FHIT: variants seen among roughly 807,000 people sequenced by gnomAD.
FHIT encodes bis(5'-adenosyl)-triphosphatase.
In FHIT, 19 loss-of-function variants were observed where a neutral mutation model predicts 17.9. The ratio of observed to expected loss-of-function variants is 1.06; its 90% CI spans 0.74 to 1.56. FHIT has a LOEUF of 1.56. Ranked by LOEUF, FHIT falls within the 40% of genes most tolerant of loss-of-function variation. The pLI is 0.00. For synonymous variants in FHIT, 81 were observed against 69.7 expected, an observed-to-expected ratio of 1.16 and a Z score of -0.81; for missense variants, 248 against 189.2, an observed-to-expected ratio of 1.31 and a Z score of -1.82.
At chr3:60,421,710 T>C (rs1482801352) in intron 5 of FHIT, among the ~76,000 whole-genome samples, 4 of 152,148 alleles carry the variant, frequency 2.6e-5, no homozygotes, top group African/African-American at 4.8e-5. Flanking sequence ...CTTTCTCCAA[T>C]TTTTCCCTAT....
chr3:60,609,333 A>AT (rs5849380), intron 4 of FHIT, among the ~76,000 whole-genome samples: 2,130 of 149,838 alleles, frequency 0.014, 43 homozygotes, highest in African/African-American at 0.047. Flanking sequence ...TTTTTTATTT[A>AT]TTTTTTTTTT....
intron 1 of FHIT, among the ~76,000 whole-genome samples, chr3:61,213,641 C>G (rs1326176143): frequency 6.6e-6 from 1 of 152,186 alleles, no homozygotes; most frequent in Non-Finnish European, 1.5e-5. Flanking sequence ...GAACTCAGCT[C>G]TGCACCAAGC....
intron 8 of FHIT, among the ~76,000 whole-genome samples, chr3:59,759,255 G>T (rs983694831): frequency 1.3e-5 from 2 of 152,088 alleles, no homozygotes; most frequent in African/African-American, 4.8e-5. Flanking sequence ...GAGAAGTTTG[G>T]ATTTTATTTT....
At chr3:60,607,948 T>C (rs2038661047) in intron 4 of FHIT, among the ~76,000 whole-genome samples, 1 of 152,170 alleles carries the variant, frequency 6.6e-6, no homozygotes, top group Non-Finnish European at 1.5e-5. Flanking sequence ...CTCAAGCCCC[T>C]TACTTGCTGA....
At chr3:60,951,497 C>A (rs1708883947) in intron 3 of FHIT, among the ~76,000 whole-genome samples, 1 of 152,098 alleles carries the variant, frequency 6.6e-6, no homozygotes, top group Admixed American at 6.6e-5. Context: ...AGAGGAAAAA[C>A]CTAGCAGGGT....
intron 5 of FHIT, among the ~76,000 whole-genome samples, chr3:60,462,928 C>A (rs1184878523): frequency 6.6e-6 from 1 of 152,188 alleles, no homozygotes; most frequent in Admixed American, 6.5e-5. Flanking sequence ...TCCATGTATT[C>A]CTGGTCATAT....
intron 5 of FHIT, among the ~76,000 whole-genome samples, chr3:60,518,499 C>A (rs899048111): frequency 1.3e-5 from 2 of 152,142 alleles, no homozygotes; most frequent in African/African-American, 4.8e-5. Context: ...TGTGTACCCC[C>A]ATGCAGTGCT....
intron 5 of FHIT, among the ~76,000 whole-genome samples, chr3:60,423,955 A>C (rs1044022008): frequency 6.6e-6 from 1 of 152,188 alleles, no homozygotes; most frequent in African/African-American, 2.4e-5. Flanking sequence ...TGATAGTATA[A>C]CAATTTATGT....
chr3:59,848,025 T>C (rs1255970070), intron 8 of FHIT, among the ~76,000 whole-genome samples: 2 of 152,202 alleles, frequency 1.3e-5, no homozygotes, highest in Admixed American at 1.3e-4. Context: ...CAATAATGGC[T>C]ACCACCTCTT....
chr3:61,088,260 G>A (rs567446111), intron 2 of FHIT, among the ~76,000 whole-genome samples: 2 of 152,258 alleles, frequency 1.3e-5, no homozygotes, highest in Admixed American at 1.3e-4. Flanking sequence ...TACTATAATA[G>A]AAGGGACTCT....
chr3:60,155,082 G>A (rs1289296006), intron 5 of FHIT, among the ~76,000 whole-genome samples: 1 of 151,736 alleles, frequency 6.6e-6, no homozygotes, highest in East Asian at 1.9e-4. Flanking sequence ...AGCTACTCGG[G>A]AGACTGAGGT....
At chr3:60,370,772 T>G (rs751948656) in intron 5 of FHIT, among the ~76,000 whole-genome samples, 14 of 152,308 alleles carry the variant, frequency 9.2e-5, no homozygotes, top group Non-Finnish European at 2.1e-4. Flanking sequence ...CCCACAGCCT[T>G]CAAACTGGTC....
At chr3:61,186,703 T>C (rs540707878) in intron 2 of FHIT, among the ~76,000 whole-genome samples, 17 of 152,344 alleles carry the variant, frequency 1.1e-4, no homozygotes, top group South Asian at 6.2e-4. Flanking sequence ...TTTTGTCAAA[T>C]GAGTAAGCTA....
At chr3:60,702,051 C>T (rs2041260374) in intron 4 of FHIT, among the ~76,000 whole-genome samples, 1 of 152,122 alleles carries the variant, frequency 6.6e-6, no homozygotes, top group Non-Finnish European at 1.5e-5. Context: ...TTTATACAGA[C>T]AGGGTTTCGC....
At chr3:60,569,885 T>C (rs978138393) in intron 4 of FHIT, among the ~76,000 whole-genome samples, 4 of 151,326 alleles carry the variant, frequency 2.6e-5, no homozygotes, top group Non-Finnish European at 5.9e-5. Flanking sequence ...AGCTGCTTTA[T>C]TGAGATGTAA....
At chr3:60,098,792 G>A (rs1704072326) in intron 5 of FHIT, among the ~76,000 whole-genome samples, 1 of 152,240 alleles carries the variant, frequency 6.6e-6, no homozygotes, top group Admixed American at 6.5e-5. Context: ...CATACAAAAT[G>A]TGTTAACTGA....
chr3:60,861,206 TATATGA>T (rs1378916075), intron 3 of FHIT, among the ~76,000 whole-genome samples: 1 of 36,190 alleles, frequency 2.8e-5, no homozygotes, highest in Admixed American at 3.8e-4. Flanking sequence ...ATATATGATA[TATATGA>T]TATATATGAT....
At chr3:61,041,081 A>G (rs1326729782) in intron 3 of FHIT, among the ~76,000 whole-genome samples, 1 of 152,174 alleles carries the variant, frequency 6.6e-6, no homozygotes, top group Non-Finnish European at 1.5e-5. Flanking sequence ...ATAACCTCAT[A>G]TTAAAATTTT....
At chr3:60,300,583 G>A (rs1186555831) in intron 5 of FHIT, among the ~76,000 whole-genome samples, 1 of 152,084 alleles carries the variant, frequency 6.6e-6, no homozygotes, top group Non-Finnish European at 1.5e-5. Flanking sequence ...GGTCGTATAA[G>A]ATGAGATAGG....
Sources: gnomAD v4.1 joint callset for allele counts (sites outside exome capture counted in the v4.1 genomes callset) on GRCh38, gnomAD v4.1.1 for gene constraint, MANE v1.5 for transcripts, NCBI Gene and HGNC (gene_info 2026-07-23, HGNC 2026-07-21) for gene names.